SLC25A33: variants seen among roughly 807,000 people sequenced by gnomAD.
SLC25A33 encodes the protein solute carrier family 25 member 33, also known as bone marrow stromal cell mitochondrial carrier protein.
SLC25A33 carries 15 observed loss-of-function variants against 35.5 expected under a neutral mutation model. That is an observed-to-expected ratio of 0.42 (90% CI 0.28 to 0.65). SLC25A33 has a LOEUF of 0.65. Ranked by LOEUF, SLC25A33 falls within the 30% of genes least tolerant of loss-of-function variation. The pLI is 0.20. For synonymous variants in SLC25A33, 136 were observed against 148.7 expected, an observed-to-expected ratio of 0.91 and a Z score of 0.62; for missense variants, 257 against 398.5, an observed-to-expected ratio of 0.64 and a Z score of 3.02.
chr1:9,556,311 G>A, intron 2 of SLC25A33: 7 of 930,538 alleles, frequency 7.5e-6, no homozygotes, highest in Non-Finnish European at 9.0e-6. Context: ...AAATAATCAT[G>A]ACTAGTGAAT....
chr1:9,561,234 C>T (rs1424750056), intron 2 of SLC25A33, among the ~76,000 whole-genome samples: 3 of 152,088 alleles, frequency 2.0e-5, no homozygotes, highest in South Asian at 2.1e-4. Context: ...TGAGCCACCG[C>T]GCGCAGCCCT....
At chr1:9,571,123 A>G (rs1180827593) in intron 4 of SLC25A33, among the ~76,000 whole-genome samples, 1 of 152,114 alleles carries the variant, frequency 6.6e-6, no homozygotes, top group Non-Finnish European at 1.5e-5. Flanking sequence ...TTATGCAATG[A>G]GGGTGTAGGG....
chr1:9,541,214 C>T (rs1296436914), intron 1 of SLC25A33, among the ~76,000 whole-genome samples: 1 of 149,892 alleles, frequency 6.7e-6, no homozygotes, highest in Non-Finnish European at 1.5e-5. Flanking sequence ...AGTGCACTGG[C>T]GCCATCTCAG....
Position 9,539,536 on chromosome 1 carries a change from A to G in SLC25A33, c.-156A>G, listed in dbSNP as rs1186129772. 2.5e-6 allele frequency: 1 copy of G among 392,838 alleles called. No homozygotes were observed. Among genetic ancestry groups the G allele is most frequent in the African/African-American group, 2.2e-5 (1 of 46,122 alleles). The allele number at this position is 392,838 out of a possible 1,614,324, so 24.3% of individuals were successfully genotyped here. Reference sequence around the variant, plus strand: ...GCCACGCCGCGGAAGGCGCGGGCCGAGCAGAGCCGGGCGTTGGAGCCCGCG... The same window carrying G: ...GCCACGCCGCGGAAGGCGCGGGCCGGGCAGAGCCGGGCGTTGGAGCCCGCG... On this transcript the variant is annotated 5_prime_UTR_variant, in exon 1 of 7. Coordinates refer to ENST00000302692, the MANE Select transcript of SLC25A33 (RefSeq NM_032315.3).
At chr1:9,556,715 G>C (rs1376208986) in intron 2 of SLC25A33, among the ~76,000 whole-genome samples, 1 of 151,912 alleles carries the variant, frequency 6.6e-6, no homozygotes, top group Non-Finnish European at 1.5e-5. Context: ...GTGTGTGTCT[G>C]TGTGTCTGTG....
intron 1 of SLC25A33, among the ~76,000 whole-genome samples, chr1:9,547,122 G>C (rs1643185135): frequency 6.6e-6 from 1 of 152,152 alleles, no homozygotes; most frequent in South Asian, 2.1e-4. Context: ...GCCAAAACTA[G>C]ACATGAGTTC....
rs757025231 is a variant in SLC25A33 at position 9,567,247 on chromosome 1, G to C, written c.237-37G>C. 3.2e-6 allele frequency: 5 copies of C among 1,568,486 alleles called. No homozygotes were observed. The African/African-American group carries it at 6.8e-5, about 21-fold the overall frequency. On this transcript the variant is annotated intron_variant, in intron 2 of 6. Coordinates refer to ENST00000302692, the MANE Select transcript of SLC25A33 (RefSeq NM_032315.3). ...TTATCATTTTTAATAGGCCTTGCCT[G>C]AGGGGTTTTAAAGGTTTGTCTTTTC...
intron 2 of SLC25A33, among the ~76,000 whole-genome samples, chr1:9,558,243 G>A (rs903758713): frequency 2.6e-5 from 4 of 152,190 alleles, no homozygotes; most frequent in African/African-American, 7.2e-5. Flanking sequence ...CTGCTTCTCC[G>A]CGAAGGCAGC....
rs189882024 is a variant in SLC25A33, at chr1:9,569,736, G to A, written c.315-522G>A. On this transcript the variant is annotated intron_variant, in intron 3 of 6. Transcript: ENST00000302692. Reference sequence around the variant, plus strand: ...AGGGGGAAAAGTGAAGAGAAAACAAGGGTGACGGGACCACTTTGCGGTAGT... The same window carrying A: ...AGGGGGAAAAGTGAAGAGAAAACAAAGGTGACGGGACCACTTTGCGGTAGT... Among the ~76,000 whole-genome samples the A allele has an allele frequency of 8.8e-3, 1,344 of 152,258 alleles. 19 individuals are homozygous for A. The highest frequency in any genetic ancestry group is 0.012 in the Non-Finnish European group (842 of 68,020).
At chr1:9,546,005 C>T (rs1427073358) in intron 1 of SLC25A33, among the ~76,000 whole-genome samples, 1 of 151,466 alleles carries the variant, frequency 6.6e-6, no homozygotes, top group African/African-American at 2.4e-5. Flanking sequence ...AGAAAAGGTG[C>T]AGAAAAAATT....
chr1:9,548,685 G>A (rs1643215647), intron 1 of SLC25A33, among the ~76,000 whole-genome samples: 1 of 152,220 alleles, frequency 6.6e-6, no homozygotes, highest in Admixed American at 6.5e-5. Context: ...ACATCTCTTA[G>A]AGTATGTATC....
intron 4 of SLC25A33, among the ~76,000 whole-genome samples, chr1:9,570,788 C>T (rs1030413112): frequency 1.4e-5 from 2 of 147,760 alleles, no homozygotes; most frequent in African/African-American, 5.0e-5. Flanking sequence ...TCTCGGCTCA[C>T]TGCAGCCTCC....
At chr1:9,546,537 A>G (rs1643173118) in intron 1 of SLC25A33, among the ~76,000 whole-genome samples, 1 of 152,098 alleles carries the variant, frequency 6.6e-6, no homozygotes, top group African/African-American at 2.4e-5. Context: ...GAACAGTATT[A>G]CCTTAGGAGC....
intron 2 of SLC25A33, among the ~76,000 whole-genome samples, chr1:9,567,043 AGG>A (rs1165250999): frequency 1.3e-5 from 2 of 151,896 alleles, no homozygotes; most frequent in East Asian, 1.9e-4. Context: ...GAAAAAAAAA[AGG>A]GAGAGAAAGA....
At chr1:9,580,858 AAAAAAAAAATAAT>A (rs1557538980) in intron 6 of SLC25A33, among the ~76,000 whole-genome samples, 1 of 120,476 alleles carries the variant, frequency 8.3e-6, no homozygotes, top group African/African-American at 3.8e-5. Flanking sequence ...CTGTCTCAAA[AAAAAAAAAATAAT>A]AATAATAATA....
chr1:9,558,293 C>G (rs892223235), intron 2 of SLC25A33, among the ~76,000 whole-genome samples: 1 of 152,244 alleles, frequency 6.6e-6, no homozygotes, highest in Admixed American at 6.5e-5. Flanking sequence ...CTGCACCCTT[C>G]TGCCTCCGTG....
At chr1:9,576,687 G>A in intron 5 of SLC25A33, 1 of 654,878 alleles carries the variant, frequency 1.5e-6, no homozygotes, top group Non-Finnish European at 2.9e-6. Context: ...GTTACAAGAT[G>A]AGGTCTGCGT....
At chr1:9,543,974 G>C (rs1034785394) in intron 1 of SLC25A33, among the ~76,000 whole-genome samples, 1 of 151,966 alleles carries the variant, frequency 6.6e-6, no homozygotes, top group African/African-American at 2.4e-5. Context: ...GCATGGTGGT[G>C]CATGCCTGTA....
intron 4 of SLC25A33, 45 bp from the exon 5 acceptor site, chr1:9,573,301 T>G (rs762930835): frequency 7.3e-7 from 1 of 1,360,856 alleles, no homozygotes; most frequent in Non-Finnish European, 1.0e-6. Flanking sequence ...TTAATAAGTA[T>G]GGACTATGTA....
Sources: gnomAD v4.1 joint callset for allele counts (sites outside exome capture counted in the v4.1 genomes callset) on GRCh38, gnomAD v4.1.1 for gene constraint, MANE v1.5 for transcripts, NCBI Gene and HGNC (gene_info 2026-07-23, HGNC 2026-07-21) for gene names.